The following SLC30A6 variants were observed in gnomAD, a reference collection of about 807,000 sequenced individuals.
SLC30A6 encodes the protein solute carrier family 30 member 6.
A neutral mutation model predicts 63.0 loss-of-function variants in SLC30A6; 55 were observed. That is an observed-to-expected ratio of 0.87 (90% confidence interval 0.70 to 1.09). SLC30A6 has a LOEUF of 1.09. Ranked by LOEUF, SLC30A6 falls within the 50% of genes least tolerant of loss-of-function variation. The probability of loss-of-function intolerance (pLI) is 0.00; values close to 1 mark genes in which losing one functional copy is unlikely to be tolerated. For missense variants in SLC30A6, 587 were observed against 549.2 expected (o/e 1.07, Z -0.69); for synonymous variants, 224 against 186.1 (o/e 1.20, Z -1.66).
At chr2:32,219,121 C>A (rs1198610893) in intron 13 of SLC30A6, among the ~76,000 whole-genome samples, 1 of 152,110 alleles carries the variant, frequency 6.6e-6, no homozygotes, top group Non-Finnish European at 1.5e-5. Context: ...GCAACCTCCG[C>A]CTCCCAGGTT....
intron 9 of SLC30A6, 40 bp from the exon 10 acceptor site, chr2:32,197,667 G>T (rs892097586): frequency 6.2e-7 from 1 of 1,612,064 alleles, no homozygotes; most frequent in Non-Finnish European, 8.5e-7. Context: ...TTTTATGTGA[G>T]TTCTGCTAAT....
chr2:32,185,877 G>T (rs1223331813), intron 5 of SLC30A6, among the ~76,000 whole-genome samples: 1 of 149,158 alleles, frequency 6.7e-6, no homozygotes, highest in Non-Finnish European at 1.5e-5. Flanking sequence ...GTGCCACCAC[G>T]CCTGGCTCAG....
chr2:32,207,969 G>T (rs1212928567), intron 12 of SLC30A6, among the ~76,000 whole-genome samples: 2 of 151,028 alleles, frequency 1.3e-5, no homozygotes, highest in African/African-American at 4.9e-5. Flanking sequence ...AAGTGCTGGG[G>T]TTACAGGCAT....
intron 1 of SLC30A6, among the ~76,000 whole-genome samples, chr2:32,170,127 C>G (rs1372317216): frequency 1.3e-5 from 2 of 151,936 alleles, no homozygotes; most frequent in Non-Finnish European, 2.9e-5. Context: ...TCCTTTAGAG[C>G]TTCTTGGGTT....
chr2:32,201,549 A>T (rs1684296316), intron 10 of SLC30A6: 1 of 1,008,362 alleles, frequency 9.9e-7, no homozygotes, highest in Admixed American at 3.0e-5. Context: ...TTTTTGCTGC[A>T]TGTAGGTGGT....
chr2:32,200,711 C>T (rs1274520041), intron 10 of SLC30A6, among the ~76,000 whole-genome samples: 1 of 151,974 alleles, frequency 6.6e-6, no homozygotes, highest in Non-Finnish European at 1.5e-5. Flanking sequence ...GGGACACAAA[C>T]ACTCTGCCTA....
Position 32,197,702 on chromosome 2 carries a change from C to T in SLC30A6, c.546-5C>T. The T allele has an allele frequency of 6.2e-7, 1 of 1,613,292 alleles. No individual in the cohort carries two copies. Among genetic ancestry groups the T allele is most frequent in the Non-Finnish European group, 8.5e-7 (1 of 1,179,760 alleles). On this transcript the variant is annotated splice_region_variant and splice_polypyrimidine_tract_variant and intron_variant, in intron 9 of 13. Coordinates refer to ENST00000282587, the MANE Select transcript of SLC30A6 (RefSeq NM_017964.5). ...TGGATACTCTTTCTGTTTGTTTTTT[C>T]TTAGCTTGTGTGGAATTATTCCGGG...
chr2:32,220,539 A>G lies in SLC30A6; in HGVS notation c.1212A>G (p.Thr404=). The G allele has an allele frequency of 6.2e-7, 1 of 1,614,228 alleles. No homozygotes were observed. Among genetic ancestry groups the G allele is most frequent in the South Asian group, 1.1e-5 (1 of 91,090 alleles). Residue 404 remains threonine, a synonymous_variant, in exon 14 of 14, where the codon ACA becomes ACG. Transcript: ENST00000282587. ...KNVNPVILLN[T]QTRPYGFGLN... ...TGAACCCAGTTATTCTTCTAAACAC[A>G]CAAACAAGGCCTTATGGTTTTGGTC...
At chr2:32,212,475 G>C (rs143264271) in intron 13 of SLC30A6, among the ~76,000 whole-genome samples, 1 of 150,952 alleles carries the variant, frequency 6.6e-6, no homozygotes, top group South Asian at 2.1e-4. Context: ...ATTAGGAGTG[G>C]TTTAGGGTAG....
At chr2:32,192,096 G>C (rs1293614369) in intron 5 of SLC30A6, among the ~76,000 whole-genome samples, 1 of 151,630 alleles carries the variant, frequency 6.6e-6, no homozygotes, top group African/African-American at 2.4e-5. Context: ...TCTGACATGG[G>C]CTGAAGGTGC....
At chr2:32,203,142 G>T in intron 10 of SLC30A6, 1 of 1,272,644 alleles carries the variant, frequency 7.9e-7, no homozygotes, top group Non-Finnish European at 1.1e-6. Flanking sequence ...AACCAACGTG[G>T]CTGCCTGTGG....
At chr2:32,202,121 C>A (rs1684342928) in intron 10 of SLC30A6, 2 of 738,660 alleles carry the variant, frequency 2.7e-6, no homozygotes, top group African/African-American at 1.8e-5. Context: ...AAAGAAGGAA[C>A]CTTCTCCAAT....
At chr2:32,211,000 A>G (rs1405758862) in intron 13 of SLC30A6, among the ~76,000 whole-genome samples, 1 of 149,438 alleles carries the variant, frequency 6.7e-6, no homozygotes, top group Non-Finnish European at 1.5e-5. Context: ...CACTCCTGGG[A>G]AGCAGGACAG....
Position 32,193,990 on chromosome 2 carries a change from T to G in SLC30A6, c.496+7T>G. 6.3e-7 allele frequency: 1 copy of G among 1,599,210 alleles called. No homozygotes were observed. ...TTTGCTTATGTCTCAGAAGGTATGTTTTTTATTTACTATTAATTTAAAAAT... is the reference window on the plus strand; with the variant it reads ...TTTGCTTATGTCTCAGAAGGTATGTGTTTTATTTACTATTAATTTAAAAAT... On this transcript the variant is annotated splice_region_variant and intron_variant, in intron 8 of 13. Coordinates refer to ENST00000282587, the MANE Select transcript of SLC30A6 (RefSeq NM_017964.5).
At chr2:32,204,191 T>TA (rs1269796555) in intron 10 of SLC30A6, among the ~76,000 whole-genome samples, 1 of 152,214 alleles carries the variant, frequency 6.6e-6, no homozygotes, top group African/African-American at 2.4e-5. Flanking sequence ...ACCTTTGAAT[T>TA]AAAAAACCTC....
intron 13 of SLC30A6, 103 bp from the exon 14 acceptor site, chr2:32,220,110 A>G: frequency 7.5e-7 from 1 of 1,329,702 alleles, no homozygotes; most frequent in Non-Finnish European, 1.0e-6. Context: ...TTTCAAAGAA[A>G]ATGCCAGGAA....
chr2:32,220,444 G>C lies in SLC30A6; in HGVS notation c.1117G>C (p.Val373Leu). ...LLKGTDDLNP[V>L]TSTPAKPSSP... ...AAAGGGTACTGATGATTTGAACCCA[G>C]TTACATCAACTCCAGCTAAACCTAG... Residue 373 changes from valine (V) to leucine (L), a missense_variant, in exon 14 of 14, where the codon GTT (valine) becomes CTT (leucine). Physicochemically the swap from Val to Leu is conservative, Grantham distance 32 (BLOSUM62 1). Transcript: ENST00000282587. 1 of 1,614,188 alleles carries C rather than the reference G, an allele frequency of 6.2e-7. No homozygotes were observed. Among genetic ancestry groups the C allele is most frequent in the Non-Finnish European group, 8.5e-7 (1 of 1,180,026 alleles).
intron 8 of SLC30A6, among the ~76,000 whole-genome samples, chr2:32,194,778 T>C (rs1018929969): frequency 6.6e-6 from 1 of 152,200 alleles, no homozygotes; most frequent in Non-Finnish European, 1.5e-5. Flanking sequence ...TGTGTTTGTA[T>C]GAGTTAAAGA....
rs1023840600 is a variant in SLC30A6 at position 32,222,693 on chromosome 2, C to T, written c.*1980C>T. On this transcript the variant is annotated 3_prime_UTR_variant, in exon 14 of 14. Coordinates refer to ENST00000282587, the MANE Select transcript of SLC30A6 (RefSeq NM_017964.5). ...TGATACTTCGTAAAATGTAATAAGGCAACCTGTTCCTTGGCCTTTATCTTA... is the reference window on the plus strand; with the variant it reads ...TGATACTTCGTAAAATGTAATAAGGTAACCTGTTCCTTGGCCTTTATCTTA... 1 of 152,174 alleles carries T rather than the reference C, an allele frequency of 6.6e-6. No homozygotes were observed. The highest frequency in any genetic ancestry group is 2.4e-5 in the African/African-American group (1 of 41,444). The allele number at this position is 152,174 out of a possible 1,614,324, so 9.4% of individuals were successfully genotyped here.
Sources: gnomAD v4.1 joint callset for allele counts (sites outside exome capture counted in the v4.1 genomes callset) on GRCh38, gnomAD v4.1.1 for gene constraint, MANE v1.5 for transcripts, NCBI Gene and HGNC (gene_info 2026-07-23, HGNC 2026-07-21) for gene names.